Variants in SMYD3 observed in about 807,000 individuals in gnomAD.
SMYD3 encodes SET and MYND domain containing 3, also known as histone-lysine N-methyltransferase SMYD3.
Under a neutral mutation model 57.7 loss-of-function variants are expected in SMYD3, and 36 were observed. The ratio of observed to expected loss-of-function variants is 0.62; its 90% CI spans 0.48 to 0.82. SMYD3 has a LOEUF of 0.82. SMYD3 is among the 40% of genes least tolerant of loss of function. The probability of loss-of-function intolerance (pLI) is 0.00; values close to 1 mark genes in which losing one functional copy is unlikely to be tolerated. For missense variants in SMYD3, 515 were observed against 538.8 expected (o/e 0.96, Z 0.44); for synonymous variants, 211 against 195.0 (o/e 1.08, Z -0.68).
At chr1:246,295,998 G>A (rs564060204) in intron 5 of SMYD3, among the ~76,000 whole-genome samples, 5 of 152,174 alleles carry the variant, frequency 3.3e-5, no homozygotes, top group Admixed American at 2.0e-4. Flanking sequence ...GTATGCATGC[G>A]GAGGTAGGTT....
At chr1:246,113,916 C>G (rs1212996234) in intron 5 of SMYD3, 1 of 152,162 alleles carries the variant, frequency 6.6e-6, no homozygotes, top group Non-Finnish European at 1.5e-5. Context: ...CCGAGTCACC[C>G]TCAGTAGGCC....
intron 1 of SMYD3, among the ~76,000 whole-genome samples, chr1:246,377,725 T>C (rs1049606921): frequency 6.6e-6 from 1 of 152,206 alleles, no homozygotes; most frequent in African/African-American, 2.4e-5. Flanking sequence ...GAAAGTCCCA[T>C]GGGTACTCCC....
At chr1:246,015,822 A>T (rs774580546) in intron 5 of SMYD3, among the ~76,000 whole-genome samples, 2 of 152,344 alleles carry the variant, frequency 1.3e-5, no homozygotes, top group Non-Finnish European at 2.9e-5. Context: ...GTAGATCCAT[A>T]CATCTGTTGA....
At chr1:246,210,130 T>C (rs187041483) in intron 5 of SMYD3, among the ~76,000 whole-genome samples, 288 of 152,178 alleles carry the variant, frequency 1.9e-3, no homozygotes, top group Non-Finnish European at 3.0e-3. Flanking sequence ...GGTCTGGAAA[T>C]AGGTAACAGA....
At chr1:246,003,293 G>T (rs2059111759) in intron 5 of SMYD3, among the ~76,000 whole-genome samples, 1 of 152,212 alleles carries the variant, frequency 6.6e-6, no homozygotes, top group South Asian at 2.1e-4. Context: ...CAAACCTCTG[G>T]CAGGGGCATC....
chr1:246,279,700 G>A (rs1021736499), intron 5 of SMYD3, among the ~76,000 whole-genome samples: 2 of 152,180 alleles, frequency 1.3e-5, no homozygotes, highest in South Asian at 2.1e-4. Flanking sequence ...AGAGTAGGGA[G>A]AGAAAAGACG....
chr1:246,199,703 T>G (rs937220231), intron 5 of SMYD3, among the ~76,000 whole-genome samples: 3 of 152,172 alleles, frequency 2.0e-5, no homozygotes, highest in African/African-American at 7.2e-5. Context: ...AGATCTTGAT[T>G]GACAATGACA....
At chr1:245,974,104 C>T (rs928504035) in intron 5 of SMYD3, among the ~76,000 whole-genome samples, 1 of 152,096 alleles carries the variant, frequency 6.6e-6, no homozygotes, top group African/African-American at 2.4e-5. Context: ...GTTCAGGCAC[C>T]CTCCTTTCCT....
intron 5 of SMYD3, among the ~76,000 whole-genome samples, chr1:245,965,996 A>G (rs2058136032): frequency 6.6e-6 from 1 of 152,196 alleles, no homozygotes; most frequent in Non-Finnish European, 1.5e-5. Flanking sequence ...GCCAAGGGTT[A>G]TATGGGAAAC....
intron 8 of SMYD3, among the ~76,000 whole-genome samples, chr1:245,887,984 T>C (rs1280127954): frequency 1.3e-5 from 2 of 152,190 alleles, no homozygotes; most frequent in Admixed American, 1.3e-4. Context: ...TTAAGTCTAT[T>C]TAAGCCCTAA....
intron 5 of SMYD3, chr1:246,189,268 C>T (rs765403451): frequency 1.3e-5 from 2 of 152,180 alleles, no homozygotes; most frequent in Non-Finnish European, 2.9e-5. Flanking sequence ...TTTCATCCAA[C>T]TCTTACAAAT....
chr1:246,056,508 AACC>A (rs765543215), intron 5 of SMYD3, among the ~76,000 whole-genome samples: 16 of 151,916 alleles, frequency 1.1e-4, no homozygotes, highest in Non-Finnish European at 2.1e-4. Context: ...CTCAGTTTGT[AACC>A]ACCGTGTTTC....
chr1:246,423,670 A>T (rs1357443094), intron 1 of SMYD3, among the ~76,000 whole-genome samples: 1 of 152,216 alleles, frequency 6.6e-6, no homozygotes, highest in Non-Finnish European at 1.5e-5. Flanking sequence ...TCTCAAAAAA[A>T]TAAAAAAAAA....
At chr1:246,004,182 C>T (rs2059131715) in intron 5 of SMYD3, among the ~76,000 whole-genome samples, 3 of 151,942 alleles carry the variant, frequency 2.0e-5, no homozygotes, top group Admixed American at 2.0e-4. Context: ...GAAGGTGCTG[C>T]CCAGCCCCAA....
intron 10 of SMYD3, among the ~76,000 whole-genome samples, chr1:245,784,279 T>C (rs2148151498): frequency 6.6e-6 from 1 of 152,298 alleles, no homozygotes; most frequent in South Asian, 2.1e-4. Flanking sequence ...GCAGGAGAGG[T>C]ATCTAAGCAT....
chr1:246,300,739 A>C (rs2064880387), intron 5 of SMYD3, among the ~76,000 whole-genome samples: 1 of 152,104 alleles, frequency 6.6e-6, no homozygotes, highest in African/African-American at 2.4e-5. Context: ...ACGTACCCCC[A>C]TAGAACTGTT....
chr1:246,023,807 C>CTGTCTGTG (rs1553271242), intron 5 of SMYD3, among the ~76,000 whole-genome samples: 2 of 139,512 alleles, frequency 1.4e-5, no homozygotes, highest in Non-Finnish European at 3.1e-5. Context: ...TATTACAAAA[C>CTGTCTGTG]TGTGTGTGTG....
At chr1:245,925,977 A>T (rs201069173) in intron 7 of SMYD3, among the ~76,000 whole-genome samples, 1 of 152,288 alleles carries the variant, frequency 6.6e-6, no homozygotes, top group South Asian at 2.1e-4. Flanking sequence ...TTATAAATAA[A>T]TTTCTCACAG....
intron 10 of SMYD3, among the ~76,000 whole-genome samples, chr1:245,791,496 CTG>C (rs2047264044): frequency 6.6e-6 from 1 of 151,988 alleles, no homozygotes; most frequent in Admixed American, 6.6e-5. Context: ...TGCTCACTGT[CTG>C]TGTTTTTCTT....
Sources: gnomAD v4.1 joint callset for allele counts (sites outside exome capture counted in the v4.1 genomes callset) on GRCh38, gnomAD v4.1.1 for gene constraint, MANE v1.5 for transcripts, NCBI Gene and HGNC (gene_info 2026-07-23, HGNC 2026-07-21) for gene names.